Variants in SP100 observed in about 807,000 individuals in gnomAD.
The protein encoded by SP100 is SP100 nuclear body protein, also known as nuclear autoantigen Sp-100.
SP100 carries 84 observed loss-of-function variants against 130.0 expected under a neutral mutation model. The observed-to-expected ratio is 0.65, with a 90% confidence interval of 0.54 to 0.77. The LOEUF is 0.77. Among genes scored for constraint, SP100 ranks in the 30% least tolerant of loss-of-function variants. The pLI, the probability that SP100 is intolerant of heterozygous loss-of-function variation, is 0.00. For synonymous variants in SP100, 331 were observed against 351.7 expected (o/e 0.94, Z 0.66); for missense variants, 978 against 1,052.2 (o/e 0.93, Z 0.97).
intron 24 of SP100, among the ~76,000 whole-genome samples, chr2:230,513,239 A>G (rs946868647): frequency 2.0e-5 from 3 of 152,236 alleles, no homozygotes. Flanking sequence ...CAGAAGTTAC[A>G]ATCATTGGAT....
chr2:230,469,788 AAAAAG>A lies in SP100; in HGVS notation c.1346-224_1346-220del, dbSNP rs774559175. 7.2e-3 allele frequency: 9,124 copies of A among 1,267,902 alleles called. 2 individuals carry two copies. Among genetic ancestry groups the A allele is most frequent in the South Asian group, 0.014 (880 of 64,710 alleles). The allele number at this position is 1,267,902 out of a possible 1,614,324, so 78.5% of individuals were successfully genotyped here. Reference sequence around the variant, plus strand: ...CATATTTTTCCCAAAGTTAAAAAAAAAAAAGAAGAAGAAACAATGTCATCCCCAGC... The same window carrying A: ...CATATTTTTCCCAAAGTTAAAAAAAAAAGAAGAAACAATGTCATCCCCAGC... On this transcript the variant is annotated intron_variant, in intron 14 of 28. Coordinates refer to ENST00000340126, the MANE Select transcript of SP100 (RefSeq NM_001080391.2).
At position 230,494,458 on chromosome 2, in the gene SP100, G is replaced by A. The variant is rs779537378; in HGVS notation, c.1643G>A (p.Arg548Lys). 1.9e-6 allele frequency: 3 copies of A among 1,606,098 alleles called. No homozygotes were observed. Among genetic ancestry groups the A allele is most frequent in the Admixed American group, 3.3e-5 (2 of 59,958 alleles). Residue 548 changes from arginine (R) to lysine (K), a missense_variant and splice_region_variant, in exon 18 of 29, where the codon AGA becomes AAA. Arg to Lys is a conservative substitution (Grantham distance 26). Transcript: ENST00000340126. ...AGATCTAAAGTAAATGGTCTCCAAA[G>A]AGGTAAGAAGAAATGTGGGGATTTA... ...RHRSKVNGLQ[R>K]GRKKDRPRKH...
chr2:230,509,634 G>C (rs1343065888), intron 23 of SP100: 2 of 152,074 alleles, frequency 1.3e-5, no homozygotes, highest in Non-Finnish European at 2.9e-5. Context: ...GGATCTCCCC[G>C]GAGGGTCTAT....
chr2:230,542,564 G>A (rs569667550), intron 28 of SP100, among the ~76,000 whole-genome samples: 2 of 152,340 alleles, frequency 1.3e-5, no homozygotes, highest in Admixed American at 6.5e-5. Context: ...CTCAGAAAAT[G>A]CTGTGCATAA....
intron 9 of SP100, among the ~76,000 whole-genome samples, chr2:230,461,660 C>CA (rs2064644538): frequency 6.6e-6 from 1 of 151,952 alleles, no homozygotes; most frequent in Non-Finnish European, 1.5e-5. Context: ...TTTCTGAAGT[C>CA]AGAGAGGGCT....
In SP100 at chr2:230,504,304, T is replaced by C. The variant is rs768330059; in HGVS notation, c.1870+14T>C. 3.6e-5 allele frequency: 52 copies of C among 1,435,932 alleles called. No homozygotes were observed. The highest frequency in any genetic ancestry group is 5.1e-5 in the Admixed American group (3 of 58,488). 88.9% of individuals were successfully genotyped at this position (1,435,932 alleles called of 1,614,324 possible). Reference sequence around the variant, plus strand: ...GATTCAAACAAGGTGAGTTTACTGGTCCATCTACGATTTTCAGCTGGAAAA... The same window carrying C: ...GATTCAAACAAGGTGAGTTTACTGGCCCATCTACGATTTTCAGCTGGAAAA... On this transcript the variant is annotated intron_variant, in intron 21 of 28. Transcript: ENST00000340126.
Position 230,466,397 on chromosome 2 carries a change from CTCTTCATGGTTATAAATGAACAATATTT to C in SP100, c.1195+47_1195+74del, listed in dbSNP as rs1559503771. 3.0e-6 allele frequency: 3 copies of C among 1,005,828 alleles called. No individual in the cohort carries two copies. The South Asian group carries it at 3.9e-5, about 13-fold the overall frequency. The allele number at this position is 1,005,828 out of a possible 1,614,324, so 62.3% of individuals were successfully genotyped here. ...GAAAAGAGGTAAGAGAAAATAACTT[CTCTTCATGGTTATAAATGAACAATATTT>C]TCTACAAAAGAGTCAGTCTAATTCC... On this transcript the variant is annotated intron_variant, in intron 12 of 28. Coordinates refer to ENST00000340126, the MANE Select transcript of SP100 (RefSeq NM_001080391.2).
At position 230,476,888 on chromosome 2, in the gene SP100, C is replaced by T. The variant is rs148859628; in HGVS notation, c.1600+2441C>T. Among the ~76,000 whole-genome samples the T allele has an allele frequency of 1.5e-3, 225 of 152,120 alleles. 2 individuals carry two copies. Among genetic ancestry groups the T allele is most frequent in the African/African-American group, 5.1e-3 (211 of 41,516 alleles). ...TTGTTGTGTTTTTGTTTATTTTTGA[C>T]GGAGTCTTGCACTGTTGCTCAGGCT... On this transcript the variant is annotated intron_variant, in intron 17 of 28. Transcript: ENST00000340126.
chr2:230,502,165 G>A (rs183269138), intron 19 of SP100, among the ~76,000 whole-genome samples: 3 of 151,992 alleles, frequency 2.0e-5, no homozygotes. Flanking sequence ...TTACAGGCTT[G>A]AGCCACCGGG....
chr2:230,420,000 T>C (rs895310132), intron 2 of SP100, among the ~76,000 whole-genome samples: 2 of 152,208 alleles, frequency 1.3e-5, no homozygotes, highest in Non-Finnish European at 2.9e-5. Context: ...AGACACTAAA[T>C]GAACAGATAA....
At chr2:230,438,648 T>TATATACACAC (rs1246055755) in intron 2 of SP100, among the ~76,000 whole-genome samples, 11,104 of 127,234 alleles carry the variant, frequency 0.087, 542 homozygotes, top group Middle Eastern at 0.14. Flanking sequence ...TGTATATATA[T>TATATACACAC]ACACACACAC....
chr2:230,421,239 T>C (rs1363773833), intron 2 of SP100, among the ~76,000 whole-genome samples: 1 of 152,136 alleles, frequency 6.6e-6, no homozygotes, highest in Non-Finnish European at 1.5e-5. Context: ...AATTCTAAAA[T>C]TCTTTTCAGT....
At chr2:230,473,945 C>T (rs1332086643) in intron 16 of SP100, among the ~76,000 whole-genome samples, 1 of 150,510 alleles carries the variant, frequency 6.6e-6, no homozygotes, top group Non-Finnish European at 1.5e-5. Context: ...TTTGTCACAA[C>T]TTTGGAAAGG....
At chr2:230,520,932 CA>C (rs1691143740) in intron 24 of SP100, among the ~76,000 whole-genome samples, 1 of 152,158 alleles carries the variant, frequency 6.6e-6, no homozygotes. Flanking sequence ...GTAAAACAAT[CA>C]GTAAAACTTT....
chr2:230,535,020 C>A (rs1048201423), intron 24 of SP100, among the ~76,000 whole-genome samples: 6 of 151,916 alleles, frequency 3.9e-5, no homozygotes, highest in Non-Finnish European at 7.4e-5. Context: ...GATGGTGAAA[C>A]CCCGTCTCTA....
rs1243797171 is a variant in SP100, at chr2:230,528,598, A to G, written c.2095-10669A>G. ...AGATCAGAGCAGAACTGAAGGAGAT[A>G]GAGACACAAAAAACCCATCAAAAAA... On this transcript the variant is annotated intron_variant, in intron 24 of 28. Coordinates refer to ENST00000340126, the MANE Select transcript of SP100 (RefSeq NM_001080391.2). 1.2e-4 allele frequency among the ~76,000 whole-genome samples: 18 copies of G among 152,358 alleles called. No individual in the cohort carries two copies. In the East Asian group the frequency reaches 3.5e-3, roughly 29 times the overall value.
intron 2 of SP100, among the ~76,000 whole-genome samples, chr2:230,425,597 A>G (rs1213747992): frequency 6.6e-6 from 1 of 152,220 alleles, no homozygotes; most frequent in Non-Finnish European, 1.5e-5. Context: ...CATCCCAGGG[A>G]TAAATCCCAC....
intron 17 of SP100, among the ~76,000 whole-genome samples, chr2:230,477,286 T>C (rs2150008702): frequency 6.6e-6 from 1 of 152,306 alleles, no homozygotes; most frequent in African/African-American, 2.4e-5. Flanking sequence ...TTTGTTGTTT[T>C]TCTTTTAGAT....
intron 4 of SP100, among the ~76,000 whole-genome samples, chr2:230,444,650 G>GT (rs946806566): frequency 2.0e-4 from 31 of 152,322 alleles, no homozygotes; most frequent in African/African-American, 7.2e-4. Flanking sequence ...CTTATCTTCA[G>GT]TGGGAGCCCT....
Sources: allele counts gnomAD v4.1 joint callset (sites outside exome capture counted in the v4.1 genomes callset), GRCh38; gene constraint gnomAD v4.1.1; transcripts MANE v1.5; gene names NCBI Gene and HGNC (gene_info 2026-07-23, HGNC 2026-07-21).